Variants in PLCG2 observed in about 807,000 individuals in gnomAD.
PLCG2 encodes the protein phospholipase C gamma 2, also known as 1-phosphatidylinositol 4,5-bisphosphate phosphodiesterase gamma-2.
In PLCG2, 69 loss-of-function variants were observed where a neutral mutation model predicts 175.6. That is an observed-to-expected ratio of 0.39 (90% CI 0.32 to 0.48). The LOEUF (loss-of-function observed/expected upper bound fraction) is 0.48. Among genes scored for constraint, PLCG2 ranks in the 20% least tolerant of loss-of-function variants. PLCG2 has a pLI of 0.91. For missense variants in PLCG2, 1,798 were observed against 1,650.9 expected (o/e 1.09, Z -1.54); for synonymous variants, 827 against 624.0 (o/e 1.33, Z -4.85).
intron 30 of PLCG2, among the ~76,000 whole-genome samples, chr16:81,941,198 AG>A (rs1910925894): frequency 6.6e-6 from 1 of 152,194 alleles, no homozygotes; most frequent in African/African-American, 2.4e-5. Context: ...GCTACTGGGC[AG>A]GAGCCCAGTT....
chr16:81,942,706 T>G (rs1407772518), intron 30 of PLCG2, among the ~76,000 whole-genome samples: 5 of 152,112 alleles, frequency 3.3e-5, no homozygotes, highest in Non-Finnish European at 5.9e-5. Flanking sequence ...CGAGAGACTA[T>G]GACTTAACTT....
At position 81,807,564 on chromosome 16, in the gene PLCG2, A is replaced by G. The variant is rs1456474804; in HGVS notation, c.193+21382A>G. Reference sequence around the variant, plus strand: ...TTTATGTACCTGTTACAGCTCTAAGAGCTTTCCCTGTATTATTGCTTACTT... The same window carrying G: ...TTTATGTACCTGTTACAGCTCTAAGGGCTTTCCCTGTATTATTGCTTACTT... On this transcript the variant is annotated intron_variant, in intron 2 of 32. Coordinates refer to ENST00000564138, the MANE Select transcript of PLCG2 (RefSeq NM_002661.5). Among the ~76,000 whole-genome samples the G allele has an allele frequency of 2.0e-5, 3 of 152,196 alleles. No individual in the cohort carries two copies. In the East Asian group the frequency reaches 5.8e-4, roughly 29 times the overall value.
intron 23 of PLCG2, 59 bp from the exon 24 acceptor site, chr16:81,928,499 G>C: frequency 1.8e-6 from 2 of 1,095,076 alleles, no homozygotes; most frequent in Non-Finnish European, 2.8e-6. Context: ...TTTGGAAACG[G>C]GTTTTCTTTT....
intron 24 of PLCG2, among the ~76,000 whole-genome samples, chr16:81,929,640 C>A (rs1479584967): frequency 6.6e-6 from 1 of 152,254 alleles, no homozygotes; most frequent in African/African-American, 2.4e-5. Flanking sequence ...AAGTGATCTG[C>A]CTGCCTTAGC....
intron 2 of PLCG2, among the ~76,000 whole-genome samples, chr16:81,811,598 T>C (rs1904325935): frequency 6.6e-6 from 1 of 152,142 alleles, no homozygotes; most frequent in African/African-American, 2.4e-5. Context: ...CAACTCGCAC[T>C]TAAGAGTAAG....
In PLCG2 at chr16:81,887,410, C is replaced by G. The variant is rs190327459; in HGVS notation, c.766-1762C>G. ...CTAGGATTACAGGCATGAGCCACCA[C>G]GCCCGGCCTAGTATTTTAATAAAAT... is the stretch of plus-strand genomic sequence containing the variant. On this transcript the variant is annotated intron_variant, in intron 9 of 32. Transcript: ENST00000564138. Among the ~76,000 whole-genome samples the G allele has an allele frequency of 2.4e-3, 373 of 152,316 alleles. 1 individual carries two copies. Among genetic ancestry groups the G allele is most frequent in the Middle Eastern group, 0.024 (7 of 294 alleles).
intron 2 of PLCG2, among the ~76,000 whole-genome samples, chr16:81,788,889 T>G (rs560793742): frequency 6.6e-6 from 1 of 152,220 alleles, no homozygotes; most frequent in African/African-American, 2.4e-5. Flanking sequence ...GTGGCCACCC[T>G]CCCTTCCCCC....
intron 31 of PLCG2, among the ~76,000 whole-genome samples, chr16:81,949,780 TA>T (rs922749283): frequency 6.6e-6 from 1 of 151,920 alleles, no homozygotes; most frequent in African/African-American, 2.4e-5. Flanking sequence ...TATACCATGA[TA>T]AAAAATGACA....
rs1167062169 is a variant in PLCG2, at chr16:81,943,549, G to A, written c.3482-2626G>A. On this transcript the variant is annotated intron_variant, in intron 30 of 32. Coordinates refer to ENST00000564138, the MANE Select transcript of PLCG2 (RefSeq NM_002661.5). Reference sequence around the variant, plus strand: ...AACATGAGATTTGGGTGGGGACACAGAGCCAAACCATAACATAGATTTCTT... The same window carrying A: ...AACATGAGATTTGGGTGGGGACACAAAGCCAAACCATAACATAGATTTCTT... Among the ~76,000 whole-genome samples, 4 of 152,154 alleles carry A rather than the reference G, an allele frequency of 2.6e-5. No individual in the cohort carries two copies. The East Asian group carries it at 7.7e-4, about 29-fold the overall frequency.
At chr16:81,875,167 T>G (rs755625040) in intron 7 of PLCG2, among the ~76,000 whole-genome samples, 1 of 152,018 alleles carries the variant, frequency 6.6e-6, no homozygotes, top group Non-Finnish European at 1.5e-5. Flanking sequence ...TTTCACCGTG[T>G]TGGCCAGGCT....
upstream of PLCG2, among the ~76,000 whole-genome samples, chr16:81,778,073 C>CAAA (rs1567458028): frequency 1.0e-2 from 719 of 71,936 alleles, 61 homozygotes; most frequent in African/African-American, 0.023. Context: ...ACCAAAAACA[C>CAAA]ACACACACAA....
At chr16:81,935,422 C>T (rs1247523314) in intron 26 of PLCG2, 3 of 491,062 alleles carry the variant, frequency 6.1e-6, no homozygotes, top group Non-Finnish European at 7.9e-6. Context: ...CTTTGGGGGC[C>T]ATTTAAAAAA....
At chr16:81,951,037 G>A (rs979527615) in intron 31 of PLCG2, among the ~76,000 whole-genome samples, 23 of 152,182 alleles carry the variant, frequency 1.5e-4, no homozygotes, top group Non-Finnish European at 3.2e-4. Flanking sequence ...ACCCAGCCTG[G>A]AATACAGTGG....
intron 13 of PLCG2, 38 bp downstream of exon 13, chr16:81,895,965 G>A (rs779266303): frequency 1.2e-6 from 2 of 1,613,014 alleles, no homozygotes; most frequent in African/African-American, 2.7e-5. Context: ...GACTTAAAGG[G>A]GAAGGCAGCT....
chr16:81,883,688 T>C (rs185215522), intron 9 of PLCG2: 125 of 324,968 alleles, frequency 3.8e-4, no homozygotes, highest in African/African-American at 2.5e-3. Context: ...CTGGCCATCA[T>C]CTCAGGTGTC....
intron 2 of PLCG2, among the ~76,000 whole-genome samples, chr16:81,790,529 A>G (rs900124422): frequency 6.6e-6 from 1 of 152,168 alleles, no homozygotes; most frequent in Admixed American, 6.5e-5. Context: ...TTATCTCAAG[A>G]AGAACTCCCA....
chr16:81,941,330 A>T (rs544169768), intron 30 of PLCG2, among the ~76,000 whole-genome samples: 93 of 152,316 alleles, frequency 6.1e-4, no homozygotes, highest in South Asian at 1.2e-3. Flanking sequence ...AGCCTGGGTG[A>T]CAGAGCAAGA....
intron 19 of PLCG2, among the ~76,000 whole-genome samples, chr16:81,916,250 C>T (rs558520474): frequency 2.7e-5 from 4 of 147,488 alleles, no homozygotes; most frequent in African/African-American, 1.0e-4. Flanking sequence ...TCGCTTAAAG[C>T]AATATATTTT....
chr16:81,853,437 A>G (rs2143471408), intron 2 of PLCG2, among the ~76,000 whole-genome samples: 1 of 152,208 alleles, frequency 6.6e-6, no homozygotes, highest in South Asian at 2.1e-4. Flanking sequence ...ACCAGTGACC[A>G]GTTTCATAGA....
Sources: gnomAD v4.1 joint callset for allele counts (sites outside exome capture counted in the v4.1 genomes callset) on GRCh38, gnomAD v4.1.1 for gene constraint, MANE v1.5 for transcripts, NCBI Gene and HGNC (gene_info 2026-07-23, HGNC 2026-07-21) for gene names.